Variants in RTL4 observed in about 807,000 individuals in gnomAD.
The protein encoded by RTL4 is retrotransposon Gag like 4, also known as retrotransposon Gag-like protein 4.
RTL4 carries 4 observed loss-of-function variants against 5.3 expected under a neutral mutation model. The observed-to-expected ratio is 0.75, with a 90% confidence interval of 0.37 to 1.72. RTL4 has a LOEUF of 1.72. Among genes scored for constraint, RTL4 ranks in the 40% most tolerant of loss-of-function variants. The pLI is 0.04. For synonymous variants in RTL4, 98 were observed against 87.3 expected, an observed-to-expected ratio of 1.12 and a Z score of -0.68; for missense variants, 260 against 227.1, an observed-to-expected ratio of 1.14 and a Z score of -0.93.
chrX:112,113,114 T>C, the RTL4 span, among the ~76,000 whole-genome samples: 7 of 111,657 alleles, frequency 6.3e-5, no homozygotes, highest in African/African-American at 2.0e-4. Flanking sequence ...CAGTATCCTG[T>C]AATCCTTTAT....
At chrX:112,437,253 G>T in the RTL4 span, among the ~76,000 whole-genome samples, 1 of 111,415 alleles carries the variant, frequency 9.0e-6, no homozygotes, top group African/African-American at 3.3e-5. Context: ...GCATATTTTT[G>T]ACCAGATCAT....
the RTL4 span, among the ~76,000 whole-genome samples, chrX:112,198,725 C>T: frequency 1.8e-5 from 2 of 111,458 alleles, no homozygotes; most frequent in Admixed American, 9.6e-5. Flanking sequence ...CTCCATTCAA[C>T]ATTTCTTGAA....
chrX:112,264,338 C>G, the RTL4 span, among the ~76,000 whole-genome samples: 581 of 111,392 alleles, frequency 5.2e-3, 2 homozygotes, highest in African/African-American at 0.018. Flanking sequence ...GTATTTGGAG[C>G]CTTCTCATTT....
At chrX:112,176,394 C>G in the RTL4 span, among the ~76,000 whole-genome samples, 1 of 111,504 alleles carries the variant, frequency 9.0e-6, no homozygotes, top group African/African-American at 3.3e-5. Flanking sequence ...CCCCTTTCCA[C>G]AACCAACTAG....
the RTL4 span, among the ~76,000 whole-genome samples, chrX:112,319,386 A>G: frequency 8.9e-6 from 1 of 111,944 alleles, no homozygotes; most frequent in African/African-American, 3.2e-5. Context: ...TAATGGACAT[A>G]CTGAAGTATC....
chrX:112,111,280 C>T, the RTL4 span, among the ~76,000 whole-genome samples: 8,607 of 107,890 alleles, frequency 0.08, 572 homozygotes, highest in African/African-American at 0.21. Flanking sequence ...TCTTTCTCTC[C>T]GACTCCCTCT....
At chrX:112,342,485 C>G in the RTL4 span, among the ~76,000 whole-genome samples, 1 of 104,454 alleles carries the variant, frequency 9.6e-6, no homozygotes, top group South Asian at 3.9e-4. Flanking sequence ...TCATGAAGAC[C>G]AATCTCTATC....
At chrX:112,351,881 T>C in the RTL4 span, among the ~76,000 whole-genome samples, 1 of 111,479 alleles carries the variant, frequency 9.0e-6, no homozygotes, top group Non-Finnish European at 1.9e-5. Flanking sequence ...AAAGTTAATA[T>C]TGTTATGTGT....
the RTL4 span, among the ~76,000 whole-genome samples, chrX:112,244,637 A>T: frequency 9.0e-6 from 1 of 111,026 alleles, no homozygotes; most frequent in Non-Finnish European, 1.9e-5. Context: ...ATGGGTCTTG[A>T]CTCTTTATCC....
chrX:112,446,523 T>C, the RTL4 span, among the ~76,000 whole-genome samples: 2 of 112,024 alleles, frequency 1.8e-5, no homozygotes, highest in Non-Finnish European at 3.8e-5. Context: ...CATACTGAGG[T>C]ACACTGGAGC....
At chrX:112,083,343 G>A in the RTL4 span, among the ~76,000 whole-genome samples, 9 of 112,606 alleles carry the variant, frequency 8.0e-5, no homozygotes, top group African/African-American at 1.3e-4. Context: ...GCTCTGGGCC[G>A]GTGGTGGCGA....
chrX:112,343,549 A>G, the RTL4 span, among the ~76,000 whole-genome samples: 1 of 112,355 alleles, frequency 8.9e-6, no homozygotes, highest in Non-Finnish European at 1.9e-5. Context: ...TGGGTTAGTC[A>G]AAATTAGAAC....
the RTL4 span, among the ~76,000 whole-genome samples, chrX:112,351,657 A>G: frequency 7.2e-4 from 78 of 108,838 alleles, no homozygotes; most frequent in African/African-American, 2.2e-3. Context: ...TTGTTGGTTT[A>G]AAGTCTGTTT....
the RTL4 span, among the ~76,000 whole-genome samples, chrX:112,221,805 T>C: frequency 4.4e-5 from 5 of 112,507 alleles, no homozygotes; most frequent in East Asian, 1.1e-3. Flanking sequence ...AGCTTCCTTA[T>C]TGTGGCATCA....
At chrX:112,191,393 A>C in the RTL4 span, among the ~76,000 whole-genome samples, 22,422 of 110,897 alleles carry the variant, frequency 0.2, 1,713 homozygotes, top group Admixed American at 0.24. Flanking sequence ...GGCTCCTGAA[A>C]GCCCTTTTCT....
the RTL4 span, among the ~76,000 whole-genome samples, chrX:112,209,148 C>T: frequency 1.8e-5 from 2 of 112,370 alleles, no homozygotes; most frequent in Non-Finnish European, 3.8e-5. Flanking sequence ...CTGCTGAGGT[C>T]ATCCGTTGGT....
chrX:112,352,192 G>A, the RTL4 span, among the ~76,000 whole-genome samples: 16 of 111,112 alleles, frequency 1.4e-4, no homozygotes, highest in African/African-American at 5.2e-4. Context: ...GTTGAATATT[G>A]GCCCCCACTC....
At chrX:112,093,078 T>C in the RTL4 span, among the ~76,000 whole-genome samples, 1 of 111,251 alleles carries the variant, frequency 9.0e-6, no homozygotes, top group Non-Finnish European at 1.9e-5. Flanking sequence ...ATACAGCCAC[T>C]AAGTGCAATT....
At chrX:112,120,373 T>G in the RTL4 span, among the ~76,000 whole-genome samples, 3 of 111,729 alleles carry the variant, frequency 2.7e-5, no homozygotes, top group African/African-American at 9.8e-5. Context: ...GCCTCCCAGG[T>G]TCATGCCAAT....
Sources: gnomAD v4.1 joint callset for allele counts (sites outside exome capture counted in the v4.1 genomes callset) on GRCh38, gnomAD v4.1.1 for gene constraint, MANE v1.5 for transcripts, NCBI Gene and HGNC (gene_info 2026-07-23, HGNC 2026-07-21) for gene names.